Variants in IWS1 observed in about 807,000 individuals in gnomAD.
IWS1 encodes protein IWS1 homolog.
IWS1 carries 27 observed loss-of-function variants against 86.7 expected under a neutral mutation model. The ratio of observed to expected loss-of-function variants is 0.31; its 90% CI spans 0.23 to 0.43. The LOEUF is 0.43. Ranked by LOEUF, IWS1 falls within the 20% of genes least tolerant of loss-of-function variation. IWS1 has a pLI of 1.00. For synonymous variants in IWS1, 313 were observed against 335.1 expected (o/e 0.93, Z 0.72); for missense variants, 827 against 1,000.8 (o/e 0.83, Z 2.34).
intron 2 of IWS1, among the ~76,000 whole-genome samples, chr2:127,517,492 G>C (rs1691838421): frequency 6.6e-6 from 1 of 152,156 alleles, no homozygotes; most frequent in Non-Finnish European, 1.5e-5. Context: ...AATGGGGAAA[G>C]AACAGTCTTC....
chr2:127,499,386 G>A lies in IWS1; in HGVS notation c.1468-1149C>T, dbSNP rs111615671. Reference sequence around the variant, plus strand: ...ATTACAGGCGTGAGCCACCGCGCCCGGCCAATTTTTCATTTTTATGTAAAT... The same window carrying A: ...ATTACAGGCGTGAGCCACCGCGCCCAGCCAATTTTTCATTTTTATGTAAAT... On this transcript the variant is annotated intron_variant, in intron 5 of 13. Coordinates refer to ENST00000295321, the MANE Select transcript of IWS1 (RefSeq NM_017969.3). The surrounding 1 kb of genome is among the most constrained non-coding windows in gnomAD (Gnocchi z 4.0). Among the ~76,000 whole-genome samples the A allele has an allele frequency of 0.012, 1,823 of 152,156 alleles. 31 individuals are homozygous for A. Among genetic ancestry groups the A allele is most frequent in the African/African-American group, 0.04 (1,642 of 41,516 alleles).
upstream of IWS1, chr2:127,526,802 T>A: frequency 1.2e-6 from 1 of 803,696 alleles, no homozygotes; most frequent in Middle Eastern, 2.7e-4. Flanking sequence ...GCCAAACCAC[T>A]GTCTTTCCCG....
intron 2 of IWS1, chr2:127,511,342 A>G (rs1691441474): frequency 6.6e-6 from 1 of 152,226 alleles, no homozygotes; most frequent in Non-Finnish European, 1.5e-5. Flanking sequence ...AATTAGGAAT[A>G]CTATCTATAC....
rs561784988 is a variant in IWS1, at chr2:127,525,589, G to A, written c.34+586C>T. 3.3e-5 allele frequency among the ~76,000 whole-genome samples: 5 copies of A among 152,252 alleles called. No individual in the cohort carries two copies. In the South Asian group the frequency reaches 8.3e-4, roughly 25 times the overall value. On this transcript the variant is annotated intron_variant, in intron 1 of 13. Transcript: ENST00000295321. ...TGCCAAGCACCGTGCCAGCAGAGTG[G>A]GCCCCAGTAACAGCTTACAGAATAA... is the stretch of plus-strand genomic sequence containing the variant.
At chr2:127,516,103 T>C (rs139728894) in intron 2 of IWS1, among the ~76,000 whole-genome samples, 33 of 152,292 alleles carry the variant, frequency 2.2e-4, no homozygotes, top group African/African-American at 7.2e-4. Context: ...TTCAGGTTAC[T>C]AACTCATTCC....
At chr2:127,498,366 A>G in intron 5 of IWS1, 129 bp from the exon 6 acceptor site, 1 of 805,294 alleles carries the variant, frequency 1.2e-6, no homozygotes, top group East Asian at 2.7e-5. Flanking sequence ...GGTACATAAC[A>G]AAAGGTCCCT....
intron 2 of IWS1, among the ~76,000 whole-genome samples, chr2:127,513,594 T>C (rs970395377): frequency 2.6e-5 from 4 of 152,230 alleles, no homozygotes; most frequent in Non-Finnish European, 5.9e-5. Flanking sequence ...GGTTTATCTT[T>C]ATTCACATGA....
intron 2 of IWS1, among the ~76,000 whole-genome samples, chr2:127,507,767 G>A (rs1009983694): frequency 2.6e-5 from 4 of 152,226 alleles, no homozygotes; most frequent in African/African-American, 9.6e-5. Context: ...ACTAGGTAGA[G>A]TTCGAGCATT....
At chr2:127,523,399 A>G (rs545219947) in intron 2 of IWS1, among the ~76,000 whole-genome samples, 2 of 152,262 alleles carry the variant, frequency 1.3e-5, no homozygotes, top group African/African-American at 4.8e-5. Context: ...ACTTAGTCAA[A>G]TATCAAAGGC....
chr2:127,493,249 A>C (rs1690327969), intron 9 of IWS1, 32 bp downstream of exon 9: 1 of 1,588,458 alleles, frequency 6.3e-7, no homozygotes, highest in Non-Finnish European at 8.5e-7. Context: ...TTAGATAATT[A>C]ATAAAGAACA....
chr2:127,493,188 T>C lies in IWS1; in HGVS notation c.1929+93A>G, dbSNP rs1204214558. On this transcript the variant is annotated intron_variant, in intron 9 of 13. Coordinates refer to ENST00000295321, the MANE Select transcript of IWS1 (RefSeq NM_017969.3). ...CTCTTCTGGCAGGCTGTAGCAGAGA[T>C]AACATATAAAAACACTGTAAACTAC... 4 of 1,138,354 alleles carry C rather than the reference T, an allele frequency of 3.5e-6. No homozygotes were observed. The African/African-American group carries it at 4.8e-5, about 14-fold the overall frequency. The allele number at this position is 1,138,354 out of a possible 1,614,324, so 70.5% of individuals were successfully genotyped here.
chr2:127,505,663 A>C lies in IWS1; in HGVS notation c.240T>G (p.Ser80Arg). Residue 80 changes from serine to arginine, a missense_variant, in exon 3 of 14, where the codon AGT becomes AGG. By Grantham distance (110) the Ser-to-Arg change is moderately radical. This residue lies in a region of IWS1 where 548 missense variants were observed against 560.2 expected (regional missense o/e 0.98). Transcript: ENST00000295321. The surrounding 1 kb of genome is among the most constrained non-coding windows in gnomAD (Gnocchi z 5.0). ...ENDEPLNLNA[S>R]DSESEELHRQ... ...TGTGAAGCTCCTCACTTTCAGAGTCACTAGCATTAAGATTTAAGGGCTCAT... is the reference window on the plus strand; with the variant it reads ...TGTGAAGCTCCTCACTTTCAGAGTCCCTAGCATTAAGATTTAAGGGCTCAT... 1 of 1,614,032 alleles carries C rather than the reference A, an allele frequency of 6.2e-7. No individual in the cohort carries two copies. Among genetic ancestry groups the C allele is most frequent in the Non-Finnish European group, 8.5e-7 (1 of 1,179,984 alleles).
intron 13 of IWS1, among the ~76,000 whole-genome samples, chr2:127,483,372 C>CGTA (rs1689735695): frequency 6.6e-6 from 1 of 151,914 alleles, no homozygotes; most frequent in South Asian, 2.1e-4. Flanking sequence ...CCCGTAATCC[C>CGTA]AGCACGCTGG....
At chr2:127,502,240 G>T (rs771738108) in intron 5 of IWS1, among the ~76,000 whole-genome samples, 8 of 152,086 alleles carry the variant, frequency 5.3e-5, no homozygotes, top group Non-Finnish European at 1.0e-4. Flanking sequence ...TCCAGGGTAT[G>T]GGGTTTACAA....
chr2:127,484,344 C>T (rs915112826), intron 13 of IWS1: 1 of 152,056 alleles, frequency 6.6e-6, no homozygotes, highest in African/African-American at 2.4e-5. Context: ...AACAAAAAAC[C>T]CTATTTATTT....
rs150393515 is a variant in IWS1, at chr2:127,505,217, G to A, written c.686C>T (p.Pro229Leu). 1.6e-5 allele frequency: 26 copies of A among 1,613,874 alleles called. No individual in the cohort carries two copies. The African/African-American group carries it at 2.7e-4, about 17-fold the overall frequency. Residue 229 changes from proline to leucine, a missense_variant, in exon 3 of 14, where the codon CCC becomes CTC. By Grantham distance (98) the Pro-to-Leu change is moderately conservative. Around this residue, in one of 2 missense-constraint regions of IWS1, gnomAD observed 548 missense variants for 560.2 expected, o/e 0.98. Coordinates refer to ENST00000295321, the MANE Select transcript of IWS1 (RefSeq NM_017969.3). The surrounding 1 kb of genome is among the most constrained non-coding windows in gnomAD (Gnocchi z 5.0). ...PQVSDSESEE[P>L]PRHQASDSEN... ...AGAGTCACTGGCCTGGTGCCTTGGGGGTTCCTCACTTTCTGAATCACTGAC... is the reference window on the plus strand; with the variant it reads ...AGAGTCACTGGCCTGGTGCCTTGGGAGTTCCTCACTTTCTGAATCACTGAC...
rs1407597392 is a variant in IWS1, at chr2:127,483,583, T to TGGGGGG, written c.2329-2409_2329-2408insCCCCCC. Among the ~76,000 whole-genome samples, 6 of 20,616 alleles carry TGGGGGG rather than the reference T, an allele frequency of 2.9e-4. 1 individual carries two copies. Among genetic ancestry groups the TGGGGGG allele is most frequent in the Non-Finnish European group, 5.3e-4 (6 of 11,226 alleles). The allele number at this position is 20,616 out of a possible 152,430, so 13.5% of individuals were successfully genotyped here. ...ATTATAATTTGGTCGGGGCGGGGGGTGGTGGGGTGGGGGGGTTGGGCTGTG... is the reference window on the plus strand; with the variant it reads ...ATTATAATTTGGTCGGGGCGGGGGGTGGGGGGGGTGGGGTGGGGGGGTTGGGCTGTG... On this transcript the variant is annotated intron_variant, in intron 13 of 13. Transcript: ENST00000295321.
intron 8 of IWS1, among the ~76,000 whole-genome samples, chr2:127,493,683 A>C (rs1558745910): frequency 6.6e-6 from 1 of 152,078 alleles, no homozygotes; most frequent in Non-Finnish European, 1.5e-5. Context: ...AATGGTACAG[A>C]CAGTAAGAAC....
rs543516060 is a variant in IWS1, at chr2:127,492,196, C to A, written c.1930-108G>T. On this transcript the variant is annotated intron_variant, in intron 9 of 13. Coordinates refer to ENST00000295321, the MANE Select transcript of IWS1 (RefSeq NM_017969.3). ...TCACAACAGAACAAATAAAAAATTC[C>A]ATTTTCAGGATCTACAGACATAGAA... 7.2e-6 allele frequency: 5 copies of A among 690,362 alleles called. No homozygotes were observed. The South Asian group carries it at 8.4e-5, about 12-fold the overall frequency. 42.8% of individuals were successfully genotyped at this position (690,362 alleles called of 1,614,324 possible). A position where few individuals can be genotyped will look rare whatever the true frequency, so the allele number is the denominator to read the frequency against.
Sources: allele counts gnomAD v4.1 joint callset (sites outside exome capture counted in the v4.1 genomes callset), GRCh38; gene constraint gnomAD v4.1.1; regional missense constraint gnomAD v4.1.1; non-coding constraint Gnocchi (gnomAD v3.1); transcripts MANE v1.5; gene names NCBI Gene and HGNC (gene_info 2026-07-23, HGNC 2026-07-21).